Variants in ADGRB3 observed in about 807,000 individuals in gnomAD.
The protein encoded by ADGRB3 is adhesion G protein-coupled receptor B3.
In ADGRB3, 37 loss-of-function variants were observed where a neutral mutation model predicts 193.4. The ratio of observed to expected loss-of-function variants is 0.19; its 90% CI spans 0.15 to 0.25. The LOEUF is 0.25. Among genes scored for constraint, ADGRB3 ranks in the 10% least tolerant of loss-of-function variants. The pLI is 1.00. For synonymous variants in ADGRB3, 690 were observed against 644.2 expected, an observed-to-expected ratio of 1.07 and a Z score of -1.08; for missense variants, 1,637 against 1,852.9, an observed-to-expected ratio of 0.88 and a Z score of 2.14.
At chr6:68,903,897 A>T (rs1375915090) in intron 3 of ADGRB3, among the ~76,000 whole-genome samples, 5 of 150,200 alleles carry the variant, frequency 3.3e-5, no homozygotes, top group African/African-American at 7.3e-5. Context: ...ACTCAAGAGG[A>T]TGAGGCAGGA....
intron 17 of ADGRB3, among the ~76,000 whole-genome samples, chr6:69,154,467 G>A (rs1169688818): frequency 1.3e-5 from 2 of 152,024 alleles, no homozygotes; most frequent in African/African-American, 2.4e-5. Context: ...TGTCATTACG[G>A]TAGTCAACCA....
intron 10 of ADGRB3, among the ~76,000 whole-genome samples, chr6:68,991,714 A>T (rs1409422189): frequency 3.9e-5 from 6 of 152,168 alleles, no homozygotes; most frequent in Admixed American, 6.5e-5. Context: ...CATGTAGGGC[A>T]CACAGACCTT....
chr6:68,963,109 T>G lies in ADGRB3; in HGVS notation c.1525+6300T>G, dbSNP rs1453261227. On this transcript the variant is annotated intron_variant, in intron 8 of 31. Transcript: ENST00000370598. ...GAGTCCATCATGGTATTTCTCTCAG[T>G]GGCCCTGCTTTCACTTCCTCCTGCC... Among the ~76,000 whole-genome samples the G allele has an allele frequency of 2.0e-5, 3 of 152,268 alleles. No individual in the cohort carries two copies. In the East Asian group the frequency reaches 5.8e-4, roughly 29 times the overall value.
At chr6:68,991,399 AGGCACAAT>A (rs1489402938) in intron 10 of ADGRB3, among the ~76,000 whole-genome samples, 1 of 152,112 alleles carries the variant, frequency 6.6e-6, no homozygotes, top group Non-Finnish European at 1.5e-5. Context: ...AAGAAATAGA[AGGCACAAT>A]GGCAGGTAAG....
At chr6:69,141,890 A>G (rs948126032) in intron 17 of ADGRB3, among the ~76,000 whole-genome samples, 3 of 152,234 alleles carry the variant, frequency 2.0e-5, no homozygotes, top group African/African-American at 4.8e-5. Context: ...ATATGAAGCT[A>G]GTAAGAAGCA....
intron 20 of ADGRB3, among the ~76,000 whole-genome samples, chr6:69,250,803 A>G (rs1262274485): frequency 4.6e-5 from 7 of 152,186 alleles, no homozygotes; most frequent in African/African-American, 7.2e-5. Context: ...TCACCAGCCT[A>G]GTGTTCTTTT....
chr6:68,851,138 T>G (rs573117438), intron 3 of ADGRB3, among the ~76,000 whole-genome samples: 15 of 152,124 alleles, frequency 9.9e-5, no homozygotes, highest in African/African-American at 3.6e-4. Flanking sequence ...ATGGGTAACG[T>G]GTTTAGCCTC....
chr6:68,895,419 T>A (rs182573694), intron 3 of ADGRB3, among the ~76,000 whole-genome samples: 12 of 152,042 alleles, frequency 7.9e-5, no homozygotes, highest in African/African-American at 2.9e-4. Flanking sequence ...AGGACTGGGG[T>A]TCTAGCCATA....
chr6:68,918,622 A>G (rs1766945283), intron 3 of ADGRB3, among the ~76,000 whole-genome samples: 1 of 152,180 alleles, frequency 6.6e-6, no homozygotes, highest in East Asian at 1.9e-4. Context: ...AGAGCTAGAA[A>G]TTCAACATCC....
chr6:69,005,369 T>C (rs545488475), intron 11 of ADGRB3, among the ~76,000 whole-genome samples: 40 of 151,736 alleles, frequency 2.6e-4, no homozygotes, highest in African/African-American at 9.2e-4. Flanking sequence ...ACTGAGAGCG[T>C]TGTATAAAAA....
chr6:69,050,821 A>C (rs527996288), intron 15 of ADGRB3, among the ~76,000 whole-genome samples: 1 of 152,216 alleles, frequency 6.6e-6, no homozygotes, highest in African/African-American at 2.4e-5. Flanking sequence ...TAAAATAGAA[A>C]TGTATTTATG....
At chr6:69,088,490 A>T (rs1166425271) in intron 17 of ADGRB3, among the ~76,000 whole-genome samples, 1 of 152,150 alleles carries the variant, frequency 6.6e-6, no homozygotes, top group African/African-American at 2.4e-5. Context: ...CTCCTGCCTC[A>T]GCCTCCCAAG....
At chr6:68,665,659 G>T (rs1768782952) in intron 3 of ADGRB3, among the ~76,000 whole-genome samples, 1 of 151,364 alleles carries the variant, frequency 6.6e-6, no homozygotes, top group Admixed American at 6.6e-5. Context: ...TTGCTAATTG[G>T]GGCTTCATTT....
chr6:68,650,404 C>T, intron 3 of ADGRB3, among the ~76,000 whole-genome samples: 1 of 151,826 alleles, frequency 6.6e-6, no homozygotes, highest in South Asian at 2.1e-4. Context: ...ATACATCATA[C>T]ATAATATTTA....
chr6:68,643,896 C>T (rs1768142029), intron 3 of ADGRB3, among the ~76,000 whole-genome samples: 1 of 150,068 alleles, frequency 6.7e-6, no homozygotes, highest in African/African-American at 2.5e-5. Context: ...CGCACCACTG[C>T]ACTCCAGCCT....
intron 26 of ADGRB3, among the ~76,000 whole-genome samples, chr6:69,351,120 T>A (rs1270397961): frequency 1.3e-5 from 2 of 148,678 alleles, no homozygotes; most frequent in Non-Finnish European, 3.0e-5. Context: ...TGAGACATAG[T>A]CTTGCTCTTG....
intron 20 of ADGRB3, among the ~76,000 whole-genome samples, chr6:69,284,550 G>A (rs1017100965): frequency 2.6e-5 from 4 of 152,090 alleles, no homozygotes; most frequent in African/African-American, 9.7e-5. Context: ...AATTGGGCAA[G>A]GAGCCCTGGT....
chr6:68,802,240 A>G (rs1039945900), intron 3 of ADGRB3, among the ~76,000 whole-genome samples: 3 of 151,584 alleles, frequency 2.0e-5, no homozygotes, highest in Non-Finnish European at 4.4e-5. Context: ...CAGTAACTGA[A>G]TTTTGAATAC....
At chr6:68,886,116 G>GTGT (rs1295147264) in intron 3 of ADGRB3, among the ~76,000 whole-genome samples, 1 of 152,072 alleles carries the variant, frequency 6.6e-6, no homozygotes, top group Non-Finnish European at 1.5e-5. Flanking sequence ...GCTTGTTACA[G>GTGT]TAATAGTAGT....
Sources: allele counts gnomAD v4.1 joint callset (sites outside exome capture counted in the v4.1 genomes callset), GRCh38; gene constraint gnomAD v4.1.1; transcripts MANE v1.5; gene names NCBI Gene and HGNC (gene_info 2026-07-23, HGNC 2026-07-21).